The following CDK15 variants were observed in gnomAD, a reference collection of about 807,000 sequenced individuals.
CDK15 encodes the protein cyclin dependent kinase 15.
A neutral mutation model predicts 60.3 loss-of-function variants in CDK15; 62 were observed. The ratio of observed to expected loss-of-function variants is 1.03; its 90% confidence interval spans 0.84 to 1.27. The LOEUF (loss-of-function observed/expected upper bound fraction) is 1.27, where lower values mean the gene tolerates loss of function less well. CDK15 is among the 50% of genes most tolerant of loss of function. The pLI is 0.00. For missense variants in CDK15, 541 were observed against 527.8 expected, an observed-to-expected ratio of 1.03 and a Z score of -0.25; for synonymous variants, 194 against 195.7, an observed-to-expected ratio of 0.99 and a Z score of 0.07.
chr2:201,822,869 C>G lies in CDK15; in HGVS notation c.509C>G (p.Thr170Ser). ...GTGCTCCTGCATGACATAATCCACACCAAAGAGACACTGACATTCGTTTTT... is the reference window on the plus strand; with the variant it reads ...GTGCTCCTGCATGACATAATCCACAGCAAAGAGACACTGACATTCGTTTTT... ...NIVLLHDIIH[T>S]KETLTFVFEY... Residue 170 changes from threonine to serine, a missense_variant, in exon 5 of 14, where the codon ACC becomes AGC. Physicochemically the swap from Thr to Ser is moderately conservative, Grantham distance 58 (BLOSUM62 1). Coordinates refer to ENST00000652192, the MANE Select transcript of CDK15 (RefSeq NM_001366386.2). The G allele has an allele frequency of 6.2e-7, 1 of 1,612,630 alleles. No individual in the cohort carries two copies. The highest frequency in any genetic ancestry group is 2.2e-5 in the East Asian group (1 of 44,858).
At chr2:201,816,625 C>T (rs1304261309) in intron 4 of CDK15, among the ~76,000 whole-genome samples, 3 of 151,814 alleles carry the variant, frequency 2.0e-5, no homozygotes, top group East Asian at 1.9e-4. Flanking sequence ...TTTGACAGAA[C>T]GATTTATTTT....
chr2:201,888,754 G>A, intron 12 of CDK15: 1 of 1,196,900 alleles, frequency 8.4e-7, no homozygotes, highest in South Asian at 2.9e-5. Context: ...TTGAGGAGCT[G>A]CTGCTTTTGA....
intron 12 of CDK15, among the ~76,000 whole-genome samples, chr2:201,888,165 G>A (rs1274443778): frequency 6.6e-6 from 1 of 151,382 alleles, no homozygotes; most frequent in Non-Finnish European, 1.5e-5. Flanking sequence ...CTGCACTCCA[G>A]TGCACTGAGC....
At chr2:201,890,700 T>C in intron 12 of CDK15, 85 bp from the exon 13 acceptor site, 1 of 959,740 alleles carries the variant, frequency 1.0e-6, no homozygotes, top group Non-Finnish European at 1.6e-6. Context: ...TTTCTTCAGG[T>C]GGCAAATATT....
chr2:201,872,382 A>T (rs1698882750), intron 11 of CDK15, 56 bp downstream of exon 11: 2 of 1,567,044 alleles, frequency 1.3e-6, no homozygotes, highest in African/African-American at 2.7e-5. Flanking sequence ...GATTGGAGAG[A>T]CATTTCCCTG....
chr2:201,869,633 C>G (rs1698780828), intron 10 of CDK15, among the ~76,000 whole-genome samples: 1 of 152,212 alleles, frequency 6.6e-6, no homozygotes, highest in African/African-American at 2.4e-5. Context: ...AAAACTGAAG[C>G]AGCAGAGTCT....
intron 13 of CDK15, among the ~76,000 whole-genome samples, chr2:201,891,726 A>G (rs1223407332): frequency 1.3e-5 from 2 of 152,106 alleles, no homozygotes; most frequent in Non-Finnish European, 2.9e-5. Flanking sequence ...CACTTCCCAT[A>G]CTGGGGCTTC....
intron 10 of CDK15, among the ~76,000 whole-genome samples, chr2:201,871,797 C>T (rs1275501626): frequency 2.6e-5 from 4 of 151,976 alleles, no homozygotes; most frequent in Non-Finnish European, 5.9e-5. Context: ...GAGTTGGTTC[C>T]GTGGGAGGGA....
intron 10 of CDK15, among the ~76,000 whole-genome samples, chr2:201,855,438 G>T (rs1386138859): frequency 1.3e-5 from 2 of 152,196 alleles, no homozygotes; most frequent in Non-Finnish European, 2.9e-5. Flanking sequence ...CTTGGTCATT[G>T]TCTCTCACAC....
At chr2:201,865,172 G>C (rs1698569861) in intron 10 of CDK15, among the ~76,000 whole-genome samples, 1 of 152,168 alleles carries the variant, frequency 6.6e-6, no homozygotes, top group Admixed American at 6.5e-5. Flanking sequence ...GGCTGCATGT[G>C]GTGGCCCTTC....
intron 9 of CDK15, 42 bp downstream of exon 9, chr2:201,847,516 T>G (rs752531288): frequency 1.9e-6 from 3 of 1,578,844 alleles, no homozygotes; most frequent in South Asian, 2.2e-5. Context: ...ATATCTGCAT[T>G]TTAAGTTTTG....
chr2:201,864,594 CA>C (rs1411893489), intron 10 of CDK15, among the ~76,000 whole-genome samples: 4 of 152,192 alleles, frequency 2.6e-5, no homozygotes, highest in African/African-American at 9.6e-5. Flanking sequence ...GCTGGGATTA[CA>C]GGCATAAGCC....
chr2:201,854,234 C>T (rs1440722659), intron 9 of CDK15, among the ~76,000 whole-genome samples: 2 of 151,874 alleles, frequency 1.3e-5, no homozygotes, highest in African/African-American at 4.8e-5. Context: ...TGATGTTGTT[C>T]CCATGACAAT....
At chr2:201,812,337 G>A (rs1695813525) in intron 3 of CDK15, 146 bp from the exon 4 acceptor site, 2 of 535,970 alleles carry the variant, frequency 3.7e-6, no homozygotes, top group African/African-American at 3.8e-5. Context: ...ATTGATACAT[G>A]TTAAACTTTT....
chr2:201,890,447 G>C (rs1699604641), intron 12 of CDK15, among the ~76,000 whole-genome samples: 1 of 152,236 alleles, frequency 6.6e-6, no homozygotes, highest in South Asian at 2.1e-4. Context: ...CTTGGAGGGA[G>C]AGGTTATCAT....
intron 7 of CDK15, 143 bp from the exon 8 acceptor site, chr2:201,835,500 A>G: frequency 2.2e-6 from 2 of 924,846 alleles, no homozygotes; most frequent in Non-Finnish European, 1.5e-6. Context: ...GTGATAGACA[A>G]GAGTCAAGAT....
intron 8 of CDK15, among the ~76,000 whole-genome samples, chr2:201,837,082 C>T (rs1218984384): frequency 1.3e-5 from 2 of 151,960 alleles, no homozygotes; most frequent in African/African-American, 2.4e-5. Flanking sequence ...TCGATTGCTT[C>T]AGCCCAGTTG....
At chr2:201,892,850 T>C (rs1490662201) in intron 13 of CDK15, among the ~76,000 whole-genome samples, 1 of 152,226 alleles carries the variant, frequency 6.6e-6, no homozygotes, top group Non-Finnish European at 1.5e-5. Context: ...ATTGGCGTAT[T>C]AGGACTTCGT....
At chr2:201,807,349 T>C in intron 1 of CDK15, 145 bp from the exon 2 acceptor site, 1 of 738,722 alleles carries the variant, frequency 1.4e-6, no homozygotes. Flanking sequence ...CAGGGATCTT[T>C]CAAGAAAAGT....
Sources: allele counts gnomAD v4.1 joint callset (sites outside exome capture counted in the v4.1 genomes callset), GRCh38; gene constraint gnomAD v4.1.1; transcripts MANE v1.5; gene names NCBI Gene and HGNC (gene_info 2026-07-23, HGNC 2026-07-21).